Variants in ABCA5 observed in about 807,000 individuals in gnomAD.
ABCA5 encodes the protein cholesterol transporter ABCA5.
ABCA5 carries 163 observed loss-of-function variants against 206.0 expected under a neutral mutation model. The observed-to-expected ratio is 0.79, with a 90% CI of 0.70 to 0.90. The LOEUF (loss-of-function observed/expected upper bound fraction) is 0.90, where lower values mean the gene tolerates loss of function less well. Among genes scored for constraint, ABCA5 ranks in the 40% least tolerant of loss-of-function variants. The pLI, the probability that ABCA5 is intolerant of heterozygous loss-of-function variation, is 0.00. For missense variants in ABCA5, 1,859 were observed against 1,912.9 expected, an observed-to-expected ratio of 0.97 and a Z score of 0.53; for synonymous variants, 609 against 613.8, an observed-to-expected ratio of 0.99 and a Z score of 0.11.
At position 69,274,232 on chromosome 17, in the gene ABCA5, T is replaced by C. The variant is rs1051347342; in HGVS notation, c.2595-104A>G. 10 of 1,136,716 alleles carry C rather than the reference T, an allele frequency of 8.8e-6. No individual in the cohort carries two copies. In the African/African-American group the frequency reaches 1.4e-4, roughly 16 times the overall value. 70.4% of individuals were successfully genotyped at this position (1,136,716 alleles called of 1,614,324 possible). ...CATTGATATGGACTTTTTTTGTTTT[T>C]ATTTGAGACAGGGTCTGGTTCTGTC... On this transcript the variant is annotated intron_variant, in intron 19 of 38. Transcript: ENST00000392676.
chr17:69,309,226 T>G (rs750956678), intron 4 of ABCA5, 36 bp downstream of exon 4: 1 of 1,476,752 alleles, frequency 6.8e-7, no homozygotes, highest in Non-Finnish European at 9.0e-7. Flanking sequence ...AGATATGCAT[T>G]TAATTGATCT....
rs749257165 is a variant in ABCA5, at chr17:69,270,722, C to A, written c.2921G>T (p.Ser974Ile). The A allele has an allele frequency of 1.3e-6, 2 of 1,563,554 alleles. No homozygotes were observed. Among genetic ancestry groups the A allele is most frequent in the South Asian group, 2.5e-5 (2 of 80,832 alleles). The change falls in exon 22 of 39, where the codon AGT (serine) becomes ATT (isoleucine). Residue 974 changes from serine (S) to isoleucine (I), a missense_variant. By Grantham distance (142) the Ser-to-Ile change is moderately radical. Transcript: ENST00000392676. ...KDYVFAAVFN[S>I]TMVYSLPILV... ...TATAGGTAAAGAATAAACCATAGTACTGTTGAAAACAGCTGCAAAAACATA... is the reference window on the plus strand; with the variant it reads ...TATAGGTAAAGAATAAACCATAGTAATGTTGAAAACAGCTGCAAAAACATA...
intron 7 of ABCA5, among the ~76,000 whole-genome samples, chr17:69,303,459 T>C (rs1255163314): frequency 6.6e-6 from 1 of 151,662 alleles, no homozygotes; most frequent in Non-Finnish European, 1.5e-5. Context: ...ATCTGTATCA[T>C]AGGTAAACAT....
intron 1 of ABCA5, among the ~76,000 whole-genome samples, chr17:69,319,886 A>G (rs1289918359): frequency 6.6e-6 from 1 of 152,250 alleles, no homozygotes; most frequent in Non-Finnish European, 1.5e-5. Flanking sequence ...CCAAAGTAGT[A>G]TAGGTTAAGA....
chr17:69,266,748 C>T (rs996534983), intron 23 of ABCA5, among the ~76,000 whole-genome samples: 1 of 149,262 alleles, frequency 6.7e-6, no homozygotes, highest in Non-Finnish European at 1.5e-5. Context: ...ATAATTTATA[C>T]ATTACTACAA....
chr17:69,291,274 A>T lies in ABCA5; in HGVS notation c.1548T>A (p.Ser516Arg), dbSNP rs745997995. 1 of 1,612,186 alleles carries T rather than the reference A, an allele frequency of 6.2e-7. No individual in the cohort carries two copies. Among genetic ancestry groups the T allele is most frequent in the Non-Finnish European group, 8.5e-7 (1 of 1,178,880 alleles). ...EGQITALLGHSGTGKSTLMNI... is the reference protein window; with the variant it reads ...EGQITALLGHRGTGKSTLMNI... ...TCATCAATGTACTCTTTCCTGTTCC[A>T]CTGTGGCCAAGTAAGGCAGTAATCT... Residue 516 changes from serine (S) to arginine (R), a missense_variant, in exon 12 of 39, where the codon AGT (serine) becomes AGA (arginine). By Grantham distance (110) the Ser-to-Arg change is moderately radical (BLOSUM62 -1). Coordinates refer to ENST00000392676, the MANE Select transcript of ABCA5 (RefSeq NM_172232.4).
intron 22 of ABCA5, among the ~76,000 whole-genome samples, chr17:69,269,959 T>C (rs2075254211): frequency 6.6e-6 from 1 of 151,836 alleles, no homozygotes; most frequent in Admixed American, 6.6e-5. Flanking sequence ...ATAAGGGTTA[T>C]TTTTTTTGGA....
chr17:69,306,869 GTATCTA>G lies in ABCA5; in HGVS notation c.638_643del (p.Ile213_Asp214del). Reference sequence around the variant, plus strand: ...TATTAAAATTACTCCTCGGGGAAAGGTATCTATTTCTACAACAGCAGTTTCTCCCAT... The same window carrying G: ...TATTAAAATTACTCCTCGGGGAAAGGTTTCTACAACAGCAGTTTCTCCCAT... On this transcript the variant is annotated inframe_deletion, in exon 6 of 39. Coordinates refer to ENST00000392676, the MANE Select transcript of ABCA5 (RefSeq NM_172232.4). 2 of 1,602,496 alleles carry G rather than the reference GTATCTA, an allele frequency of 1.2e-6. No individual in the cohort carries two copies. The highest frequency in any genetic ancestry group is 2.2e-5 in the South Asian group (2 of 89,516).
intron 24 of ABCA5, among the ~76,000 whole-genome samples, chr17:69,262,434 T>C (rs1319370253): frequency 6.6e-6 from 1 of 152,152 alleles, no homozygotes; most frequent in East Asian, 1.9e-4. Flanking sequence ...GCCATTTTTA[T>C]GTCCATGTTT....
Position 69,253,636 on chromosome 17 carries a change from G to A in ABCA5, c.4352C>T (p.Pro1451Leu). The A allele has an allele frequency of 6.2e-7, 1 of 1,613,660 alleles. No individual in the cohort carries two copies. Among genetic ancestry groups the A allele is most frequent in the Non-Finnish European group, 8.5e-7 (1 of 1,179,812 alleles). Residue 1451 changes from proline to leucine, a missense_variant, in exon 34 of 39, where the codon CCT (proline) becomes CTT (leucine). Transcript: ENST00000392676. The part of the protein sequence containing the change: ...LCFALSMLGN[P>L]QITLLDEPST... ...TGGTTCATCTAGCAAAGTAATCTGA[G>A]GATTCCCTAGCATACTTAGAGCAAA...
intron 13 of ABCA5, among the ~76,000 whole-genome samples, 200 bp downstream of exon 13, chr17:69,289,662 T>A (rs1275829342): frequency 6.6e-6 from 1 of 152,104 alleles, no homozygotes; most frequent in African/African-American, 2.4e-5. Context: ...CAGGCAAGCA[T>A]CCTCCAGATG....
At position 69,273,971 on chromosome 17, in the gene ABCA5, G is replaced by A. The variant is rs2075303036; in HGVS notation, c.2752C>T (p.Gln918Ter). Reference protein sequence around the residue: ...PHKYKTSLLLQNSADSDISDL... With the variant: ...PHKYKTSLLL ...CACACACTCTCACCAGCAGAATTTT[G>A]AAGAAGCAGACTTGTTTTGTATTTA... is the stretch of plus-strand genomic sequence containing the variant. The change falls in exon 20 of 39, where the codon CAA becomes TAA. Residue 918 changes from glutamine to a stop codon, truncating the protein, a stop_gained. Coordinates refer to ENST00000392676, the MANE Select transcript of ABCA5 (RefSeq NM_172232.4). LOFTEE classifies it high-confidence loss of function. 6.2e-7 allele frequency: 1 copy of A among 1,601,714 alleles called. No individual in the cohort carries two copies. The highest frequency in any genetic ancestry group is 1.8e-5 in the Admixed American group (1 of 56,814).
chr17:69,284,210 T>G, intron 17 of ABCA5, 138 bp from the exon 18 acceptor site: 1 of 654,892 alleles, frequency 1.5e-6, no homozygotes, highest in Non-Finnish European at 2.2e-6. Flanking sequence ...AAAAATAAAT[T>G]AGCTAGGCAT....
chr17:69,297,327 A>G lies in ABCA5; in HGVS notation c.1300T>C (p.Phe434Leu). 1 of 1,606,442 alleles carries G rather than the reference A, an allele frequency of 6.2e-7. No homozygotes were observed. Reference protein sequence around the residue: ...EFGLRRSSLYFLKPSYWSKSK... With the variant: ...EFGLRRSSLYLLKPSYWSKSK... ...TTTGACCAATATGAAGGCTTCAGAAAATATAAAGATGATCTCCGTAAGCCA... is the reference window on the plus strand; with the variant it reads ...TTTGACCAATATGAAGGCTTCAGAAGATATAAAGATGATCTCCGTAAGCCA... Residue 434 changes from phenylalanine to leucine, a missense_variant, in exon 10 of 39, where the codon TTT becomes CTT. By Grantham distance (22) the Phe-to-Leu change is conservative (BLOSUM62 0). Coordinates refer to ENST00000392676, the MANE Select transcript of ABCA5 (RefSeq NM_172232.4).
intron 1 of ABCA5, among the ~76,000 whole-genome samples, chr17:69,319,120 T>A (rs929999836): frequency 1.3e-5 from 2 of 152,212 alleles, no homozygotes; most frequent in Non-Finnish European, 1.5e-5. Context: ...GTCTCAACTA[T>A]GTTATATCAC....
rs2075444772 is a variant in ABCA5 at position 69,285,808 on chromosome 17, A to G, written c.2272+90T>C. 2.2e-6 allele frequency: 3 copies of G among 1,355,762 alleles called. No individual in the cohort carries two copies. In the East Asian group the frequency reaches 7.3e-5, roughly 33 times the overall value. 84.0% of individuals were successfully genotyped at this position (1,355,762 alleles called of 1,614,324 possible). On this transcript the variant is annotated intron_variant, in intron 17 of 38. Transcript: ENST00000392676. ...CCACCTGGGAGCATGGCAATACTAC[A>G]TGGAGAAGGAAACAAAAAGGAAATC...
At chr17:69,282,196 C>G (rs1307926276) in intron 18 of ABCA5, among the ~76,000 whole-genome samples, 5 of 152,166 alleles carry the variant, frequency 3.3e-5, no homozygotes, top group Non-Finnish European at 7.3e-5. Context: ...AAATAACTGA[C>G]CACTTCCTCT....
At chr17:69,258,016 T>A (rs1332399851) in intron 28 of ABCA5, among the ~76,000 whole-genome samples, 2 of 152,062 alleles carry the variant, frequency 1.3e-5, no homozygotes, top group Non-Finnish European at 2.9e-5. Context: ...GGAAGTAAGA[T>A]AAGGTGATTT....
chr17:69,253,740 G>A, intron 33 of ABCA5, 54 bp downstream of exon 33: 4 of 1,571,970 alleles, frequency 2.5e-6, no homozygotes, highest in Non-Finnish European at 3.5e-6. Flanking sequence ...GACAATATCA[G>A]GTACTAAACT....
Sources: gnomAD v4.1 joint callset for allele counts (sites outside exome capture counted in the v4.1 genomes callset) on GRCh38, gnomAD v4.1.1 for gene constraint, MANE v1.5 for transcripts, NCBI Gene and HGNC (gene_info 2026-07-23, HGNC 2026-07-21) for gene names.